Variants in HSPA9 observed in about 807,000 individuals in gnomAD.
HSPA9 encodes stress-70 protein, mitochondrial.
HSPA9 carries 28 observed loss-of-function variants against 81.5 expected under a neutral mutation model. The observed-to-expected ratio is 0.34, with a 90% confidence interval of 0.25 to 0.47. The LOEUF (loss-of-function observed/expected upper bound fraction) is 0.47. Among genes scored for constraint, HSPA9 ranks in the 20% least tolerant of loss-of-function variants. The probability of loss-of-function intolerance (pLI) is 1.00; values close to 1 mark genes in which losing one functional copy is unlikely to be tolerated. For missense variants in HSPA9, 678 were observed against 838.0 expected, an observed-to-expected ratio of 0.81 and a Z score of 2.36; for synonymous variants, 293 against 290.4, an observed-to-expected ratio of 1.01 and a Z score of -0.09.
chr5:138,558,411 G>GTAGA lies in HSPA9; in HGVS notation c.1515+141_1515+142insTCTA. On this transcript the variant is annotated intron_variant, in intron 12 of 16. Transcript: ENST00000297185. ...TTTCAGGTAAAAACTGATGCCATGG[G>GTAGA]TATCTAGTTGCATCCCTTCTTCTCA... 3 of 707,464 alleles carry GTAGA rather than the reference G, an allele frequency of 4.2e-6. No homozygotes were observed. The South Asian group carries it at 4.5e-5, about 11-fold the overall frequency. The allele number at this position is 707,464 out of a possible 1,614,324, so 43.8% of individuals were successfully genotyped here.
chr5:138,574,962 T>C, intron 1 of HSPA9: 1 of 558,870 alleles, frequency 1.8e-6, no homozygotes, highest in Admixed American at 3.2e-5. Flanking sequence ...ACCTTTCCAT[T>C]CAGCCACAGA....
chr5:138,569,502 A>G (rs1454477936), intron 4 of HSPA9, among the ~76,000 whole-genome samples: 1 of 152,246 alleles, frequency 6.6e-6, no homozygotes, highest in Non-Finnish European at 1.5e-5. Flanking sequence ...ATCACTTGAC[A>G]AATGGATAAA....
Position 138,567,055 on chromosome 5 carries a change from C to T in HSPA9, c.825G>A (p.Gly275=). The T allele has an allele frequency of 6.2e-7, 1 of 1,613,648 alleles. No individual in the cohort carries two copies. Among genetic ancestry groups the T allele is most frequent in the South Asian group, 1.1e-5 (1 of 91,054 alleles). ...KSTNGDTFLG[G]EDFDQALLRH... The stretch of plus-strand genomic sequence containing the variant: ...GTAGCAAGGCCTGGTCAAAGTCTTC[C>T]CCACCTAAGAAGGTATCCCCATTTG... The change falls in exon 8 of 17, where the codon GGG becomes GGA. Residue 275 remains glycine (G), a synonymous_variant. Coordinates refer to ENST00000297185, the MANE Select transcript of HSPA9 (RefSeq NM_004134.7).
intron 3 of HSPA9, 95 bp downstream of exon 3, chr5:138,573,668 A>AAAG (rs55663873): frequency 5.0e-6 from 3 of 597,002 alleles, no homozygotes; most frequent in East Asian, 7.4e-5. Flanking sequence ...AAAAAAAAAA[A>AAAG]GCGCAAATCA....
rs1337724811 is a variant in HSPA9, at chr5:138,556,560, C to T, written c.1854G>A (p.Met618Ile). 1 of 1,614,086 alleles carries T rather than the reference C, an allele frequency of 6.2e-7. No homozygotes were observed. Among genetic ancestry groups the T allele is most frequent in the Non-Finnish European group, 8.5e-7 (1 of 1,180,016 alleles). ...TGTCTTTTCTAGCCAGGAGCTCCCT[C>T]ATTTTGGAAATCTCTTCTTTCAGCT... is the stretch of plus-strand genomic sequence containing the variant. ...CNKLKEEISK[M>I]RELLARKDSE... Residue 618 changes from methionine to isoleucine, a missense_variant, in exon 16 of 17, where the codon ATG (methionine) becomes ATA (isoleucine). Met to Ile is a conservative substitution (Grantham distance 10, BLOSUM62 1). Coordinates refer to ENST00000297185, the MANE Select transcript of HSPA9 (RefSeq NM_004134.7).
At chr5:138,561,891 G>C (rs1750667971) in intron 9 of HSPA9, 102 bp from the exon 10 acceptor site, 4 of 909,722 alleles carry the variant, frequency 4.4e-6, no homozygotes, top group Non-Finnish European at 7.4e-6. Context: ...CAGAAGACTT[G>C]CAAAACCAAA....
At chr5:138,560,404 C>G (rs1450411277) in intron 10 of HSPA9, among the ~76,000 whole-genome samples, 2 of 152,162 alleles carry the variant, frequency 1.3e-5, no homozygotes, top group African/African-American at 4.8e-5. Flanking sequence ...GGCAAGGGGA[C>G]TTAGAAGTCC....
chr5:138,563,405 AC>A (rs1750697695), intron 9 of HSPA9, among the ~76,000 whole-genome samples: 2 of 152,094 alleles, frequency 1.3e-5, no homozygotes, highest in African/African-American at 4.8e-5. Flanking sequence ...CTAACTCTCA[AC>A]CCTCTACAAC....
At chr5:138,573,382 C>T (rs1394906044) in intron 3 of HSPA9, among the ~76,000 whole-genome samples, 2 of 152,018 alleles carry the variant, frequency 1.3e-5, no homozygotes, top group Admixed American at 1.3e-4. Flanking sequence ...ACTTCGAGGC[C>T]AGGCTTAGTG....
intron 3 of HSPA9, among the ~76,000 whole-genome samples, chr5:138,573,291 A>C (rs1475182463): frequency 6.6e-6 from 1 of 152,162 alleles, no homozygotes; most frequent in Non-Finnish European, 1.5e-5. Context: ...GGCCTCCCAA[A>C]GTGCTGGGAC....
chr5:138,572,900 C>CTTTTTT lies in HSPA9; in HGVS notation c.228+857_228+862dup, dbSNP rs539598546. Among the ~76,000 whole-genome samples the CTTTTTT allele has an allele frequency of 5.5e-5, 8 of 145,256 alleles. No homozygotes were observed. The Admixed American group carries it at 5.6e-4, about 10-fold the overall frequency. ...TGAAAAACCTGATCTATAGTCTCTT[C>CTTTTTT]TTTTTTTTTTTTTGAGACAAAGTCT... On this transcript the variant is annotated intron_variant, in intron 3 of 16. Coordinates refer to ENST00000297185, the MANE Select transcript of HSPA9 (RefSeq NM_004134.7).
In HSPA9 at chr5:138,556,228, C is replaced by T. The variant is rs1750517379; in HGVS notation, c.1963-114G>A. 12 of 1,045,924 alleles carry T rather than the reference C, an allele frequency of 1.1e-5. No homozygotes were observed. The East Asian group carries it at 2.9e-4, about 25-fold the overall frequency. 64.8% of individuals were successfully genotyped at this position (1,045,924 alleles called of 1,614,324 possible). A position where few individuals can be genotyped will look rare whatever the true frequency, so the allele number is the denominator to read the frequency against. ...TATGTCCTCATCATTCATTTCTATT[C>T]CACTCCCCCTCCCCACTTTCTACCC... On this transcript the variant is annotated intron_variant, in intron 16 of 16. Transcript: ENST00000297185.
At chr5:138,558,849 C>A in intron 11 of HSPA9, 192 bp from the exon 12 acceptor site, 1 of 564,434 alleles carries the variant, frequency 1.8e-6, no homozygotes, top group East Asian at 3.1e-5. Flanking sequence ...ACAATAGCAA[C>A]TGTTTCAGCT....
chr5:138,558,748 G>A, intron 11 of HSPA9, 91 bp from the exon 12 acceptor site: 2 of 805,024 alleles, frequency 2.5e-6, no homozygotes, highest in Non-Finnish European at 4.4e-6. Context: ...TACATTCCAA[G>A]ACTGGAAGAC....
In HSPA9 at chr5:138,556,559, T is replaced by A; in HGVS notation, c.1855A>T (p.Arg619Trp). ...CTGTCTTTTCTAGCCAGGAGCTCCC[T>A]CATTTTGGAAATCTCTTCTTTCAGC... ...NKLKEEISKM[R>W]ELLARKDSET... The change falls in exon 16 of 17, where the codon AGG (arginine) becomes TGG (tryptophan). Residue 619 changes from arginine to tryptophan, a missense_variant. Arg to Trp is a moderately radical substitution (Grantham distance 101). Transcript: ENST00000297185. 6.2e-7 allele frequency: 1 copy of A among 1,614,100 alleles called. No individual in the cohort carries two copies. The highest frequency in any genetic ancestry group is 8.5e-7 in the Non-Finnish European group (1 of 1,180,014).
At chr5:138,565,132 C>A (rs1449531140) in intron 9 of HSPA9, among the ~76,000 whole-genome samples, 1 of 152,158 alleles carries the variant, frequency 6.6e-6, no homozygotes, top group Non-Finnish European at 1.5e-5. Flanking sequence ...GGAAAACAAT[C>A]AAAATGTCTA....
intron 10 of HSPA9, chr5:138,560,794 C>T (rs772876671): frequency 3.9e-5 from 15 of 381,960 alleles, no homozygotes; most frequent in South Asian, 1.2e-4. Flanking sequence ...GTGATCCGCC[C>T]GCCTTGGCCT....
At chr5:138,563,544 C>A (rs1289418438) in intron 9 of HSPA9, among the ~76,000 whole-genome samples, 1 of 152,192 alleles carries the variant, frequency 6.6e-6, no homozygotes, top group African/African-American at 2.4e-5. Context: ...CCTACACCCA[C>A]TCAGGGTGCC....
At position 138,560,274 on chromosome 5, in the gene HSPA9, C is replaced by T. The variant is rs41295739; in HGVS notation, c.1183-183G>A. On this transcript the variant is annotated intron_variant, in intron 10 of 16. Coordinates refer to ENST00000297185, the MANE Select transcript of HSPA9 (RefSeq NM_004134.7). ...TGCTAATGATCTTCTAACACTCATACACTTTATACCTATAGAAGTATCTCC... is the reference window on the plus strand; with the variant it reads ...TGCTAATGATCTTCTAACACTCATATACTTTATACCTATAGAAGTATCTCC... 9.6e-4 allele frequency among the ~76,000 whole-genome samples: 147 copies of T among 152,338 alleles called. 3 individuals carry two copies. The East Asian group carries it at 0.026, about 27-fold the overall frequency.
Sources: allele counts gnomAD v4.1 joint callset (sites outside exome capture counted in the v4.1 genomes callset), GRCh38; gene constraint gnomAD v4.1.1; transcripts MANE v1.5; gene names NCBI Gene and HGNC (gene_info 2026-07-23, HGNC 2026-07-21).